EPB41L4B: variants seen among roughly 807,000 people sequenced by gnomAD.
EPB41L4B encodes band 4.1-like protein 4B.
Under a neutral mutation model 112.5 loss-of-function variants are expected in EPB41L4B, and 30 were observed. That is an observed-to-expected ratio of 0.27 (90% CI 0.20 to 0.36). The LOEUF is 0.36. Among genes scored for constraint, EPB41L4B ranks in the 10% least tolerant of loss-of-function variants. EPB41L4B has a pLI of 1.00. For missense variants in EPB41L4B, 1,024 were observed against 1,133.3 expected (o/e 0.90, Z 1.38); for synonymous variants, 408 against 439.7 (o/e 0.93, Z 0.90).
intron 12 of EPB41L4B, among the ~76,000 whole-genome samples, chr9:109,251,909 G>A (rs1202656383): frequency 6.6e-6 from 1 of 152,222 alleles, no homozygotes; most frequent in African/African-American, 2.4e-5. Flanking sequence ...ACGCCGTGAG[G>A]GCCTGCATGG....
chr9:109,204,484 T>C (rs1194137100), intron 18 of EPB41L4B, among the ~76,000 whole-genome samples: 1 of 152,196 alleles, frequency 6.6e-6, no homozygotes, highest in Non-Finnish European at 1.5e-5. Flanking sequence ...GCCTTTTTAA[T>C]TTTTGTTTTT....
intron 17 of EPB41L4B, among the ~76,000 whole-genome samples, chr9:109,208,491 A>C (rs112531384): frequency 6.6e-6 from 1 of 152,238 alleles, no homozygotes; most frequent in African/African-American, 2.4e-5. Flanking sequence ...AATCTTGCAG[A>C]AAATTGTGAT....
intron 25 of EPB41L4B, among the ~76,000 whole-genome samples, 165 bp downstream of exon 25, chr9:109,176,386 A>T (rs999084424): frequency 6.6e-6 from 1 of 152,160 alleles, no homozygotes; most frequent in Non-Finnish European, 1.5e-5. Flanking sequence ...ATTACAGATG[A>T]GAGCCACCGC....
At chr9:109,183,158 GC>G (rs1334950350) in intron 23 of EPB41L4B, among the ~76,000 whole-genome samples, 1 of 152,200 alleles carries the variant, frequency 6.6e-6, no homozygotes. Context: ...AGTCAGAGTT[GC>G]CTGAGGTGGC....
Position 109,241,902 on chromosome 9 carries a change from G to A in EPB41L4B, c.1409+1716C>T, listed in dbSNP as rs556046011. 1.1e-4 allele frequency: 138 copies of A among 1,300,454 alleles called. No homozygotes were observed. In the South Asian group the frequency reaches 1.3e-3, roughly 12 times the overall value. The allele number at this position is 1,300,454 out of a possible 1,614,324, so 80.6% of individuals were successfully genotyped here. A position where few individuals can be genotyped will look rare whatever the true frequency, so the allele number is the denominator to read the frequency against. On this transcript the variant is annotated intron_variant, in intron 15 of 25. Coordinates refer to ENST00000374566, the MANE Select transcript of EPB41L4B (RefSeq NM_019114.5). ...ACACAAGCACAAAGGAAATGGGGCA[G>A]GGGGAACCATGAGCCATGTGAATGG...
intron 2 of EPB41L4B, among the ~76,000 whole-genome samples, chr9:109,268,674 G>A (rs982690039): frequency 2.0e-5 from 3 of 152,112 alleles, no homozygotes; most frequent in South Asian, 4.2e-4. Context: ...CGAGGCGGGC[G>A]GATCACGAGG....
intron 13 of EPB41L4B, among the ~76,000 whole-genome samples, chr9:109,249,017 C>T (rs1834666939): frequency 6.7e-6 from 1 of 149,578 alleles, no homozygotes; most frequent in African/African-American, 2.5e-5. Flanking sequence ...CGAGACTGCG[C>T]CACTGCACTC....
chr9:109,186,619 T>C (rs1011198316), intron 22 of EPB41L4B, among the ~76,000 whole-genome samples: 4 of 151,994 alleles, frequency 2.6e-5, no homozygotes, highest in African/African-American at 4.8e-5. Flanking sequence ...GGACTACAGA[T>C]ATGTGCCACC....
intron 1 of EPB41L4B, among the ~76,000 whole-genome samples, chr9:109,304,791 G>A (rs1184055445): frequency 6.6e-6 from 1 of 152,160 alleles, no homozygotes. Context: ...GACATAAAAT[G>A]CCACATATTG....
In EPB41L4B at chr9:109,268,391, T is replaced by C; in HGVS notation, c.454A>G (p.Ile152Val). 6.2e-7 allele frequency: 1 copy of C among 1,610,810 alleles called. No homozygotes were observed. Among genetic ancestry groups the C allele is most frequent in the Non-Finnish European group, 8.5e-7 (1 of 1,179,172 alleles). ...HAKPIKKQMK[I>V]GPAYALHFRV... ...AGTGAGCTAAATTCTGCTTACTTAC[T>C]TTTCATCTGCTTTTTTATGGGTTTG... The change falls in exon 3 of 26, where the codon ATT (isoleucine) becomes GTT (valine). Residue 152 changes from isoleucine (I) to valine (V), a missense_variant and splice_region_variant. Ile to Val is a conservative substitution (Grantham distance 29, BLOSUM62 3). Coordinates refer to ENST00000374566, the MANE Select transcript of EPB41L4B (RefSeq NM_019114.5).
intron 11 of EPB41L4B, among the ~76,000 whole-genome samples, chr9:109,254,883 A>G (rs976136233): frequency 6.6e-6 from 1 of 152,188 alleles, no homozygotes; most frequent in African/African-American, 2.4e-5. Context: ...AATTACCCCA[A>G]ATTTCTGGAC....
At chr9:109,264,926 T>G in intron 5 of EPB41L4B, 54 bp downstream of exon 5, 2 of 1,452,958 alleles carry the variant, frequency 1.4e-6, no homozygotes, top group Non-Finnish European at 1.9e-6. Flanking sequence ...TGAATTATTT[T>G]GAAATACACT....
At chr9:109,289,560 T>A (rs190592164) in intron 1 of EPB41L4B, among the ~76,000 whole-genome samples, 11 of 152,334 alleles carry the variant, frequency 7.2e-5, no homozygotes, top group Non-Finnish European at 1.5e-4. Context: ...AACAACTCAC[T>A]TTTCAGAAGC....
intron 15 of EPB41L4B, among the ~76,000 whole-genome samples, chr9:109,228,886 C>T (rs965950804): frequency 3.9e-5 from 6 of 152,134 alleles, no homozygotes; most frequent in Non-Finnish European, 4.4e-5. Flanking sequence ...CTTTCTCTTT[C>T]GGATTATCTA....
chr9:109,184,126 T>C (rs1466492161), intron 23 of EPB41L4B, among the ~76,000 whole-genome samples: 1 of 152,254 alleles, frequency 6.6e-6, no homozygotes, highest in Non-Finnish European at 1.5e-5. Context: ...TTGTTGCCTA[T>C]TGAGTCAGCA....
chr9:109,227,668 GC>G (rs1162320192), intron 15 of EPB41L4B, among the ~76,000 whole-genome samples: 1 of 151,142 alleles, frequency 6.6e-6, no homozygotes, highest in East Asian at 1.9e-4. Flanking sequence ...TGCAACCTCC[GC>G]CTCCTGGATT....
chr9:109,242,011 G>A (rs902446001), intron 15 of EPB41L4B, among the ~76,000 whole-genome samples: 3 of 152,170 alleles, frequency 2.0e-5, no homozygotes, highest in African/African-American at 7.2e-5. Context: ...CTTCCAAGCA[G>A]AGCAAGGGTC....
chr9:109,290,874 A>G (rs989917910), intron 1 of EPB41L4B, among the ~76,000 whole-genome samples: 1 of 152,136 alleles, frequency 6.6e-6, no homozygotes, highest in African/African-American at 2.4e-5. Context: ...CATCATAAAT[A>G]CGAATATCTG....
intron 4 of EPB41L4B, among the ~76,000 whole-genome samples, chr9:109,267,174 T>C (rs1032854988): frequency 3.7e-4 from 57 of 152,170 alleles, no homozygotes; most frequent in African/African-American, 1.4e-3. Flanking sequence ...CCTTCCCTTT[T>C]TGTAGTTGAG....
Sources: allele counts gnomAD v4.1 joint callset (sites outside exome capture counted in the v4.1 genomes callset), GRCh38; gene constraint gnomAD v4.1.1; transcripts MANE v1.5; gene names NCBI Gene and HGNC (gene_info 2026-07-23, HGNC 2026-07-21).